ADGRL2: variants seen among roughly 807,000 people sequenced by gnomAD.
ADGRL2 encodes adhesion G protein-coupled receptor L2.
ADGRL2 carries 44 observed loss-of-function variants against 157.4 expected under a neutral mutation model. The observed-to-expected ratio is 0.28, with a 90% CI of 0.22 to 0.36. The LOEUF (loss-of-function observed/expected upper bound fraction) is 0.36. Among genes scored for constraint, ADGRL2 ranks in the 10% least tolerant of loss-of-function variants. The pLI, the probability that ADGRL2 is intolerant of heterozygous loss-of-function variation, is 1.00. For synonymous variants in ADGRL2, 585 were observed against 624.7 expected, an observed-to-expected ratio of 0.94 and a Z score of 0.95; for missense variants, 1,510 against 1,768.9, an observed-to-expected ratio of 0.85 and a Z score of 2.63.
At chr1:81,852,733 C>T (rs1273883472) in intron 2 of ADGRL2, among the ~76,000 whole-genome samples, 2 of 151,956 alleles carry the variant, frequency 1.3e-5, no homozygotes, top group Admixed American at 1.3e-4. Context: ...CTCATCCTCT[C>T]TGTCAACTTA....
chr1:81,618,492 C>T (rs552691424), intron 3 of ADGRL2, among the ~76,000 whole-genome samples: 1 of 152,280 alleles, frequency 6.6e-6, no homozygotes, highest in African/African-American at 2.4e-5. Context: ...GAAAGGGGAC[C>T]ATATTTTTAT....
chr1:81,896,487 ATTCT>A (rs1352229566), intron 2 of ADGRL2, among the ~76,000 whole-genome samples: 1 of 152,078 alleles, frequency 6.6e-6, no homozygotes, highest in African/African-American at 2.4e-5. Flanking sequence ...TCCTGTTTGT[ATTCT>A]TTATCTCTTG....
chr1:81,375,989 T>C (rs2076241878), intron 1 of ADGRL2, among the ~76,000 whole-genome samples: 1 of 152,218 alleles, frequency 6.6e-6, no homozygotes, highest in Non-Finnish European at 1.5e-5. Context: ...ATTCAATTTT[T>C]AAAACACAAA....
chr1:81,463,559 G>A (rs931439226), intron 2 of ADGRL2, among the ~76,000 whole-genome samples: 4 of 152,192 alleles, frequency 2.6e-5, no homozygotes, highest in Non-Finnish European at 5.9e-5. Flanking sequence ...AGAATGAAAA[G>A]GAGGTTTTCC....
chr1:81,491,330 G>A (rs538812105), intron 2 of ADGRL2, among the ~76,000 whole-genome samples: 1 of 152,216 alleles, frequency 6.6e-6, no homozygotes, highest in Admixed American at 6.5e-5. Context: ...AGATAGTCTA[G>A]TCTAGGTGAG....
At chr1:81,716,975 A>G (rs1009923021) in intron 1 of ADGRL2, among the ~76,000 whole-genome samples, 1 of 152,232 alleles carries the variant, frequency 6.6e-6, no homozygotes, top group African/African-American at 2.4e-5. Context: ...GACTTATTTC[A>G]TAAGATTGTC....
intron 2 of ADGRL2, among the ~76,000 whole-genome samples, chr1:81,454,279 T>G (rs922228096): frequency 3.9e-5 from 6 of 152,158 alleles, no homozygotes; most frequent in African/African-American, 1.4e-4. Flanking sequence ...AGCGTGAAGA[T>G]TTCTGTCTCA....
upstream of ADGRL2, among the ~76,000 whole-genome samples, chr1:81,797,148 C>A (rs2087629039): frequency 6.6e-6 from 1 of 152,092 alleles, no homozygotes; most frequent in South Asian, 2.1e-4. Context: ...CAGCACCAAG[C>A]ATCATCAACA....
rs1431185336 is a variant in ADGRL2, at chr1:81,762,809, T to C, written c.-101+957T>C. Among the ~76,000 whole-genome samples, 3 of 152,004 alleles carry C rather than the reference T, an allele frequency of 2.0e-5. No homozygotes were observed. In the East Asian group the frequency reaches 5.8e-4, roughly 29 times the overall value. ...GGCTCATGCCTGTAATCCCAGCACTTTGAGAGGCCGAGGCAGGCAGATCAC... is the reference window on the plus strand; with the variant it reads ...GGCTCATGCCTGTAATCCCAGCACTCTGAGAGGCCGAGGCAGGCAGATCAC... On this transcript the variant is annotated intron_variant, in intron 2 of 20. Transcript: ENST00000359929.
At chr1:81,498,841 A>G (rs1246719039) in intron 2 of ADGRL2, among the ~76,000 whole-genome samples, 2 of 152,222 alleles carry the variant, frequency 1.3e-5, no homozygotes, top group Admixed American at 6.5e-5. Flanking sequence ...GCCAGACTTT[A>G]TAAATCCTGG....
At chr1:81,976,300 T>C (rs1158450736) in intron 17 of ADGRL2, among the ~76,000 whole-genome samples, 2 of 152,066 alleles carry the variant, frequency 1.3e-5, no homozygotes, top group Non-Finnish European at 2.9e-5. Context: ...TAATTAGTCT[T>C]GAAATGATGA....
rs72719415 is a variant in ADGRL2, at chr1:81,976,613, T to G, written c.3022-3256T>G. 8.1e-3 allele frequency among the ~76,000 whole-genome samples: 1,233 copies of G among 152,072 alleles called. 10 individuals carry two copies. Among genetic ancestry groups the G allele is most frequent in the Middle Eastern group, 0.017 (5 of 294 alleles). On this transcript the variant is annotated intron_variant, in intron 17 of 23. Coordinates refer to ENST00000686636, the MANE Select transcript of ADGRL2 (RefSeq NM_001366006.2). ...TATGTTAGAAACAGCTTTAAAAAAT[T>G]TTGTTCTTACATTTGCACTTGGATT... is the stretch of plus-strand genomic sequence containing the variant.
chr1:81,311,642 C>T (rs1233045548), intron 1 of ADGRL2, among the ~76,000 whole-genome samples: 1 of 152,172 alleles, frequency 6.6e-6, no homozygotes, highest in East Asian at 1.9e-4. Context: ...TTGAGAGGAA[C>T]ATCTATCCAT....
intron 17 of ADGRL2, among the ~76,000 whole-genome samples, chr1:81,978,844 A>T (rs191325796): frequency 7.9e-5 from 12 of 151,882 alleles, no homozygotes; most frequent in African/African-American, 2.9e-4. Flanking sequence ...TACCTATAAT[A>T]GGTGAAATGG....
chr1:81,605,757 A>C (rs762764905), intron 3 of ADGRL2, among the ~76,000 whole-genome samples: 11 of 152,150 alleles, frequency 7.2e-5, no homozygotes, highest in South Asian at 2.1e-4. Context: ...CCTTATTTCC[A>C]TTGCCAACAG....
intron 2 of ADGRL2, among the ~76,000 whole-genome samples, chr1:81,474,638 T>A (rs1304364581): frequency 1.3e-5 from 2 of 152,124 alleles, no homozygotes; most frequent in East Asian, 3.9e-4. Context: ...TAGAGTAGAG[T>A]CAAATCACTA....
intron 3 of ADGRL2, among the ~76,000 whole-genome samples, chr1:81,916,792 T>C (rs898710425): frequency 6.6e-6 from 1 of 152,030 alleles, no homozygotes; most frequent in Non-Finnish European, 1.5e-5. Context: ...CTAATTATTC[T>C]TGTACATTTT....
At chr1:81,520,239 G>GT (rs778871751) in intron 2 of ADGRL2, among the ~76,000 whole-genome samples, 115 of 152,138 alleles carry the variant, frequency 7.6e-4, no homozygotes, top group Middle Eastern at 6.8e-3. Context: ...TGTTTGTTTT[G>GT]TTTTTTAATA....
At chr1:81,777,703 C>T (rs1422896637) in intron 2 of ADGRL2, among the ~76,000 whole-genome samples, 1 of 152,150 alleles carries the variant, frequency 6.6e-6, no homozygotes, top group Non-Finnish European at 1.5e-5. Flanking sequence ...GCATAGGCTG[C>T]ACTGACCTGT....
Sources: gnomAD v4.1 joint callset for allele counts (sites outside exome capture counted in the v4.1 genomes callset) on GRCh38, gnomAD v4.1.1 for gene constraint, MANE v1.5 for transcripts, NCBI Gene and HGNC (gene_info 2026-07-23, HGNC 2026-07-21) for gene names.